ERC1: variants seen among roughly 807,000 people sequenced by gnomAD.
The protein encoded by ERC1 is ELKS/RAB6-interacting/CAST family member 1, also known as RAB6 interacting protein 2.
Under a neutral mutation model 132.0 loss-of-function variants are expected in ERC1, and 56 were observed. The observed-to-expected ratio is 0.42, with a 90% confidence interval of 0.34 to 0.53. The LOEUF (loss-of-function observed/expected upper bound fraction) is 0.53. Among genes scored for constraint, ERC1 ranks in the 20% least tolerant of loss-of-function variants. The pLI is 0.03. For missense variants in ERC1, 1,202 were observed against 1,349.9 expected (o/e 0.89, Z 1.72); for synonymous variants, 478 against 476.1 (o/e 1.00, Z -0.05).
At chr12:1,143,726 A>G (rs1280680094) in intron 8 of ERC1, among the ~76,000 whole-genome samples, 2 of 152,008 alleles carry the variant, frequency 1.3e-5, no homozygotes, top group Non-Finnish European at 2.9e-5. Context: ...ATTGACAAGA[A>G]TGGGGTATAT....
At chr12:1,284,697 GT>G (rs755034355) in intron 14 of ERC1, among the ~76,000 whole-genome samples, 1 of 152,154 alleles carries the variant, frequency 6.6e-6, no homozygotes, top group Non-Finnish European at 1.5e-5. Flanking sequence ...GAGAGACAGT[GT>G]CTTGTTCTGT....
chr12:1,424,848 A>AGATAGATC (rs1565411179), intron 17 of ERC1, among the ~76,000 whole-genome samples: 4 of 109,678 alleles, frequency 3.6e-5, no homozygotes, highest in East Asian at 2.4e-4. Context: ...GATAGATGAT[A>AGATAGATC]GATAGATAGA....
At chr12:1,074,308 C>T (rs1277954088) in intron 2 of ERC1, among the ~76,000 whole-genome samples, 3 of 151,852 alleles carry the variant, frequency 2.0e-5, no homozygotes, top group African/African-American at 4.8e-5. Context: ...TTCATTTATT[C>T]CTTTTTCTTT....
chr12:1,346,969 A>G (rs1024203073), intron 15 of ERC1, among the ~76,000 whole-genome samples: 11 of 150,176 alleles, frequency 7.3e-5, no homozygotes, highest in African/African-American at 2.7e-4. Context: ...AAAGAGAGAG[A>G]TGATGGTTTT....
At chr12:1,181,509 T>C (rs1026287230) in intron 9 of ERC1, among the ~76,000 whole-genome samples, 6 of 152,122 alleles carry the variant, frequency 3.9e-5, no homozygotes, top group South Asian at 2.1e-4. Context: ...ATTTAAAAAA[T>C]GTATTCTGGC....
chr12:1,338,942 C>T (rs1379464791), intron 15 of ERC1, among the ~76,000 whole-genome samples: 1 of 152,192 alleles, frequency 6.6e-6, no homozygotes, highest in Non-Finnish European at 1.5e-5. Flanking sequence ...AAGTGCTCCA[C>T]GATCACTGGT....
At chr12:1,179,710 T>C (rs1954181232) in intron 8 of ERC1, among the ~76,000 whole-genome samples, 1 of 151,862 alleles carries the variant, frequency 6.6e-6, no homozygotes, top group Non-Finnish European at 1.5e-5. Flanking sequence ...GGTTTCACCG[T>C]TTTAGCTGGG....
In ERC1 at chr12:1,028,188, G is replaced by A. The variant is rs1423944483; in HGVS notation, c.285G>A (p.Gly95=). 1 of 1,614,152 alleles carries A rather than the reference G, an allele frequency of 6.2e-7. No individual in the cohort carries two copies. The highest frequency in any genetic ancestry group is 1.1e-5 in the South Asian group (1 of 91,076). The change falls in exon 2 of 19, where the codon GGG becomes GGA. Residue 95 remains glycine (G), a synonymous_variant. Transcript: ENST00000360905. ...PKSTMTLGRS[G]GRLPYGVRMT... is the part of the protein sequence containing the mutation. ...GCACCATGACACTTGGCCGTTCTGG[G>A]GGACGTCTGCCTTACGGTGTTCGGA... is the stretch of plus-strand genomic sequence containing the variant.
chr12:1,093,053 G>A (rs1200120981), intron 3 of ERC1, among the ~76,000 whole-genome samples: 1 of 152,136 alleles, frequency 6.6e-6, no homozygotes, highest in East Asian at 1.9e-4. Flanking sequence ...GTACAACAGT[G>A]GTGTGTCTTA....
chr12:1,298,261 G>T (rs1173205360), intron 15 of ERC1, among the ~76,000 whole-genome samples: 1 of 152,020 alleles, frequency 6.6e-6, no homozygotes, highest in Non-Finnish European at 1.5e-5. Context: ...CTGAAGAGCG[G>T]CCAGGCACCA....
chr12:1,209,349 A>G (rs1232117332), intron 12 of ERC1, among the ~76,000 whole-genome samples: 1 of 151,646 alleles, frequency 6.6e-6, no homozygotes, highest in Admixed American at 6.6e-5. Flanking sequence ...TGGAATTCAC[A>G]TAGTTAAACA....
At chr12:1,124,057 T>TG (rs1187306529) in intron 7 of ERC1, among the ~76,000 whole-genome samples, 1 of 152,232 alleles carries the variant, frequency 6.6e-6, no homozygotes, top group Non-Finnish European at 1.5e-5. Flanking sequence ...GTTGGTCATT[T>TG]GGATGTGCTC....
chr12:1,445,590 C>T (rs1195198074), intron 18 of ERC1, among the ~76,000 whole-genome samples: 1 of 152,138 alleles, frequency 6.6e-6, no homozygotes, highest in Non-Finnish European at 1.5e-5. Context: ...TTGTAACTTT[C>T]AGCAACATCT....
intron 11 of ERC1, among the ~76,000 whole-genome samples, chr12:1,188,058 T>C (rs1186875763): frequency 6.6e-6 from 1 of 152,168 alleles, no homozygotes; most frequent in African/African-American, 2.4e-5. Flanking sequence ...TGTGGAGTTA[T>C]AATAAATAAT....
chr12:1,431,395 A>T (rs1352333042), intron 17 of ERC1, among the ~76,000 whole-genome samples: 4 of 152,302 alleles, frequency 2.6e-5, no homozygotes, highest in African/African-American at 7.2e-5. Context: ...ACAGATATTT[A>T]ATTCAGGTTG....
At chr12:1,234,705 A>G (rs2075296186) in intron 12 of ERC1, among the ~76,000 whole-genome samples, 1 of 152,240 alleles carries the variant, frequency 6.6e-6, no homozygotes, top group Non-Finnish European at 1.5e-5. Context: ...TTGTAAAGGT[A>G]TAGTAATTAA....
chr12:1,030,571 A>G (rs1211509698), intron 2 of ERC1, among the ~76,000 whole-genome samples: 1 of 151,342 alleles, frequency 6.6e-6, no homozygotes, highest in Admixed American at 6.6e-5. Flanking sequence ...AAAAAAATAG[A>G]AAAAAAATTA....
At chr12:1,225,365 A>G (rs1345357890) in intron 12 of ERC1, among the ~76,000 whole-genome samples, 1 of 151,680 alleles carries the variant, frequency 6.6e-6, no homozygotes, top group Non-Finnish European at 1.5e-5. Flanking sequence ...CAGGAGGATC[A>G]ATTGAGCCCA....
At chr12:1,183,578 TC>T (rs1242008659) in intron 11 of ERC1, among the ~76,000 whole-genome samples, 157 bp downstream of exon 11, 1 of 152,204 alleles carries the variant, frequency 6.6e-6, no homozygotes, top group Non-Finnish European at 1.5e-5. Context: ...AGCATTCTTA[TC>T]CTACTTTATT....
Sources: allele counts gnomAD v4.1 joint callset (sites outside exome capture counted in the v4.1 genomes callset), GRCh38; gene constraint gnomAD v4.1.1; transcripts MANE v1.5; gene names NCBI Gene and HGNC (gene_info 2026-07-23, HGNC 2026-07-21).